PDCD10: variants seen among roughly 807,000 people sequenced by gnomAD.
PDCD10 encodes programmed cell death 10, also known as programmed cell death protein 10.
PDCD10 carries 4 observed loss-of-function variants against 29.2 expected under a neutral mutation model. The ratio of observed to expected loss-of-function variants is 0.14; its 90% CI spans 0.07 to 0.31. The LOEUF (loss-of-function observed/expected upper bound fraction) is 0.31, where lower values mean the gene tolerates loss of function less well. Among genes scored for constraint, PDCD10 ranks in the 10% least tolerant of loss-of-function variants. PDCD10 has a pLI of 1.00. For missense variants in PDCD10, 183 were observed against 257.9 expected, an observed-to-expected ratio of 0.71 and a Z score of 1.99; for synonymous variants, 70 against 82.2, an observed-to-expected ratio of 0.85 and a Z score of 0.80.
At position 167,726,428 on chromosome 3, in the gene PDCD10, T is replaced by C. The variant is rs1272904234; in HGVS notation, c.-116-6155A>G. Among the ~76,000 whole-genome samples, 4 of 152,100 alleles carry C rather than the reference T, an allele frequency of 2.6e-5. No individual in the cohort carries two copies. In the East Asian group the frequency reaches 7.7e-4, roughly 29 times the overall value. ...TACTGTTTCTTAATACAGAAATTTA[T>C]AAAATGGGTAAGAAGTAACTTTTTC... On this transcript the variant is annotated intron_variant, in intron 2 of 8. Transcript: ENST00000392750.
intron 5 of PDCD10, among the ~76,000 whole-genome samples, chr3:167,695,926 A>G (rs1019937381): frequency 2.0e-5 from 3 of 152,052 alleles, no homozygotes; most frequent in Non-Finnish European, 4.4e-5. Context: ...AAAGTATCAC[A>G]AAAAGAAAGA....
At chr3:167,714,665 A>C (rs1559968348) in intron 3 of PDCD10, among the ~76,000 whole-genome samples, 1 of 152,016 alleles carries the variant, frequency 6.6e-6, no homozygotes, top group East Asian at 1.9e-4. Flanking sequence ...TCTGAAAAAA[A>C]CATTTAAAAA....
chr3:167,696,006 A>T (rs1559952901), intron 5 of PDCD10, among the ~76,000 whole-genome samples: 1 of 152,000 alleles, frequency 6.6e-6, no homozygotes, highest in Non-Finnish European at 1.5e-5. Context: ...CACAAAAAAA[A>T]AACAGATTTA....
intron 3 of PDCD10, among the ~76,000 whole-genome samples, chr3:167,712,901 TATG>T (rs377475373): frequency 8.0e-4 from 122 of 152,122 alleles, no homozygotes; most frequent in Middle Eastern, 3.4e-3. Context: ...AGTAAGAGGA[TATG>T]ATAATTGTAA....
intron 3 of PDCD10, among the ~76,000 whole-genome samples, chr3:167,719,524 C>T (rs749414985): frequency 6.6e-5 from 10 of 152,058 alleles, no homozygotes; most frequent in Non-Finnish European, 1.5e-4. Context: ...TAAAAAGCAA[C>T]TACATCTTCT....
intron 6 of PDCD10, among the ~76,000 whole-genome samples, chr3:167,689,595 G>A (rs1002816892): frequency 6.6e-6 from 1 of 151,986 alleles, no homozygotes; most frequent in Non-Finnish European, 1.5e-5. Flanking sequence ...AAACACAGGG[G>A]AGAAGAAGGG....
At chr3:167,715,893 C>T (rs1216013988) in intron 3 of PDCD10, among the ~76,000 whole-genome samples, 52 of 151,872 alleles carry the variant, frequency 3.4e-4, no homozygotes, top group Non-Finnish European at 4.4e-5. Context: ...CCATATGATC[C>T]TCTGGTACCA....
At chr3:167,701,300 T>A (rs1214307072) in intron 4 of PDCD10, among the ~76,000 whole-genome samples, 1 of 152,136 alleles carries the variant, frequency 6.6e-6, no homozygotes, top group African/African-American at 2.4e-5. Flanking sequence ...AGATATATAT[T>A]GAGATATCAG....
At chr3:167,704,969 T>A in intron 3 of PDCD10, 74 bp from the exon 4 acceptor site, 2 of 863,918 alleles carry the variant, frequency 2.3e-6, no homozygotes, top group Non-Finnish European at 3.8e-6. Flanking sequence ...TTCCATTCTG[T>A]AGCAATCACA....
intron 3 of PDCD10, among the ~76,000 whole-genome samples, chr3:167,718,202 T>C (rs1195144683): frequency 6.6e-6 from 1 of 152,086 alleles, no homozygotes; most frequent in African/African-American, 2.4e-5. Flanking sequence ...AAGAATAATT[T>C]AAAAATTTAC....
At chr3:167,703,505 T>C (rs983580082) in intron 4 of PDCD10, among the ~76,000 whole-genome samples, 1 of 152,014 alleles carries the variant, frequency 6.6e-6, no homozygotes, top group Non-Finnish European at 1.5e-5. Context: ...TTGTGTGACA[T>C]GGAAGAAATC....
chr3:167,703,242 A>G (rs1721624840), intron 4 of PDCD10, among the ~76,000 whole-genome samples: 1 of 152,126 alleles, frequency 6.6e-6, no homozygotes, highest in Non-Finnish European at 1.5e-5. Flanking sequence ...ATGCCATTCC[A>G]AAGCCAAACT....
Position 167,684,195 on chromosome 3 carries a change from GA to G in PDCD10, c.*112del. On this transcript the variant is annotated 3_prime_UTR_variant, in exon 9 of 9. Transcript: ENST00000392750. ...GGCAATAATCCCATTCAACATCCTGGATTAGATCCCTTCAGGAGGGACTGAT... is the reference window on the plus strand; with the variant it reads ...GGCAATAATCCCATTCAACATCCTGGTTAGATCCCTTCAGGAGGGACTGAT... The G allele has an allele frequency of 7.1e-6, 5 of 704,138 alleles. No individual in the cohort carries two copies. In the South Asian group the frequency reaches 7.3e-5, roughly 10 times the overall value. The allele number at this position is 704,138 out of a possible 1,614,324, so 43.6% of individuals were successfully genotyped here.
intron 3 of PDCD10, among the ~76,000 whole-genome samples, chr3:167,711,788 A>G (rs898879132): frequency 7.2e-5 from 11 of 152,266 alleles, no homozygotes; most frequent in African/African-American, 2.4e-4. Context: ...AACAAATAAC[A>G]TATGATGGAG....
chr3:167,686,922 T>C (rs2108372605), intron 8 of PDCD10, among the ~76,000 whole-genome samples: 1 of 152,346 alleles, frequency 6.6e-6, no homozygotes, highest in African/African-American at 2.4e-5. Flanking sequence ...CACCCCCTTG[T>C]TTGTACATTG....
At chr3:167,698,189 T>G (rs1721003905) in intron 4 of PDCD10, among the ~76,000 whole-genome samples, 1 of 152,180 alleles carries the variant, frequency 6.6e-6, no homozygotes, top group Non-Finnish European at 1.5e-5. Flanking sequence ...TGAAGGGTTG[T>G]GGGATGAAAT....
At chr3:167,716,024 T>C (rs1474059482) in intron 3 of PDCD10, among the ~76,000 whole-genome samples, 3 of 150,890 alleles carry the variant, frequency 2.0e-5, no homozygotes, top group Non-Finnish European at 4.4e-5. Context: ...GCAACCTAAG[T>C]GTCCATCAAC....
intron 3 of PDCD10, among the ~76,000 whole-genome samples, chr3:167,707,120 G>A (rs758728678): frequency 1.1e-4 from 16 of 152,210 alleles, no homozygotes; most frequent in Non-Finnish European, 1.8e-4. Context: ...GAAAAGTGGA[G>A]TGACTGCCAT....
chr3:167,706,698 T>C (rs1722008035), intron 3 of PDCD10, among the ~76,000 whole-genome samples: 1 of 152,222 alleles, frequency 6.6e-6, no homozygotes, highest in Non-Finnish European at 1.5e-5. Context: ...CATGACTGCA[T>C]ATACCCATAG....
Sources: allele counts gnomAD v4.1 joint callset (sites outside exome capture counted in the v4.1 genomes callset), GRCh38; gene constraint gnomAD v4.1.1; transcripts MANE v1.5; gene names NCBI Gene and HGNC (gene_info 2026-07-23, HGNC 2026-07-21).